The following FRMD3 variants were observed in gnomAD, a reference collection of about 807,000 sequenced individuals.
The protein encoded by FRMD3 is FERM domain-containing protein 3.
A neutral mutation model predicts 70.2 loss-of-function variants in FRMD3; 33 were observed. That is an observed-to-expected ratio of 0.47 (90% CI 0.36 to 0.63). FRMD3 has a LOEUF of 0.63. Ranked by LOEUF, FRMD3 falls within the 20% of genes least tolerant of loss-of-function variation. The probability of loss-of-function intolerance (pLI) is 0.00; values close to 1 mark genes in which losing one functional copy is unlikely to be tolerated. For missense variants in FRMD3, 632 were observed against 711.4 expected, an observed-to-expected ratio of 0.89 and a Z score of 1.27; for synonymous variants, 279 against 255.9, an observed-to-expected ratio of 1.09 and a Z score of -0.86.
At chr9:83,387,807 C>G (rs1485183592) in intron 2 of FRMD3, among the ~76,000 whole-genome samples, 2 of 152,184 alleles carry the variant, frequency 1.3e-5, no homozygotes, top group Non-Finnish European at 2.9e-5. Flanking sequence ...CAGACCAAAG[C>G]TGGCTTGGCT....
chr9:83,450,265 A>G (rs1827607383), intron 1 of FRMD3, among the ~76,000 whole-genome samples: 1 of 151,648 alleles, frequency 6.6e-6, no homozygotes, highest in Admixed American at 6.6e-5. Context: ...AGCTTCTCAG[A>G]CACAGCCGCA....
chr9:83,298,913 A>G, intron 11 of FRMD3, 97 bp from the exon 12 acceptor site: 1 of 1,235,902 alleles, frequency 8.1e-7, no homozygotes, highest in Non-Finnish European at 1.2e-6. Context: ...CAGGTGTCTG[A>G]CCCAGCTATA....
Position 83,362,829 on chromosome 9 carries a change from TCCCTCCCTC to T in FRMD3, c.295+10075_295+10083del, listed in dbSNP as rs1564035941. Among the ~76,000 whole-genome samples, 1,287 of 134,232 alleles carry T rather than the reference TCCCTCCCTC, an allele frequency of 9.6e-3. 74 individuals carry two copies. The highest frequency in any genetic ancestry group is 0.03 in the African/African-American group (1,122 of 37,862). The allele number at this position is 134,232 out of a possible 152,430, so 88.1% of individuals were successfully genotyped here. A position where few individuals can be genotyped will look rare whatever the true frequency, so the allele number is the denominator to read the frequency against. On this transcript the variant is annotated intron_variant, in intron 3 of 13. Transcript: ENST00000304195. ...TTCCTTCCTTCCCTCCCTCCTTCCTTCCCTCCCTCCTTCCTTCCCTCCCTCCTTCCTTCC... is the reference window on the plus strand; with the variant it reads ...TTCCTTCCTTCCCTCCCTCCTTCCTTCTTCCTTCCCTCCCTCCTTCCTTCC...
the FRMD3 span, among the ~76,000 whole-genome samples, chr9:83,576,640 G>A: frequency 6.6e-6 from 1 of 152,022 alleles, no homozygotes; most frequent in East Asian, 1.9e-4. Flanking sequence ...TCCCCTCTAT[G>A]TGTCCATCTT....
At chr9:83,293,592 CAACAT>C (rs2118991103) in intron 12 of FRMD3, among the ~76,000 whole-genome samples, 1 of 152,350 alleles carries the variant, frequency 6.6e-6, no homozygotes, top group South Asian at 2.1e-4. Flanking sequence ...CCCCAACCCA[CAACAT>C]TGCAATGTCC....
At chr9:83,582,849 A>C in the FRMD3 span, among the ~76,000 whole-genome samples, 7 of 152,236 alleles carry the variant, frequency 4.6e-5, no homozygotes, top group East Asian at 1.3e-3. Flanking sequence ...GAGATCAGGT[A>C]CAATTAATGA....
chr9:83,490,577 C>T (rs539381529), intron 1 of FRMD3, among the ~76,000 whole-genome samples: 1 of 152,216 alleles, frequency 6.6e-6, no homozygotes, highest in African/African-American at 2.4e-5. Flanking sequence ...CCATGGTGCC[C>T]AGCCTGTAGT....
At chr9:83,584,846 T>A in the FRMD3 span, among the ~76,000 whole-genome samples, 2 of 152,174 alleles carry the variant, frequency 1.3e-5, no homozygotes, top group African/African-American at 4.8e-5. Context: ...GGATCGATAA[T>A]AGGACAAATG....
At chr9:83,473,317 C>T (rs575843581) in intron 1 of FRMD3, among the ~76,000 whole-genome samples, 61 of 152,310 alleles carry the variant, frequency 4.0e-4, no homozygotes, top group African/African-American at 1.4e-3. Context: ...TCCACAAGAA[C>T]TCCCAATACT....
intron 1 of FRMD3, among the ~76,000 whole-genome samples, chr9:83,515,992 C>T (rs761801104): frequency 1.3e-5 from 2 of 152,128 alleles, no homozygotes; most frequent in African/African-American, 2.4e-5. Context: ...GAAGGAAAAA[C>T]CGATACCAGC....
chr9:83,295,719 G>A (rs1025512934), intron 12 of FRMD3, among the ~76,000 whole-genome samples: 2 of 152,312 alleles, frequency 1.3e-5, no homozygotes, highest in East Asian at 3.9e-4. Flanking sequence ...CTGCCTCAGA[G>A]TGTCTGCTGT....
chr9:83,459,543 G>A (rs1587874256), intron 1 of FRMD3, among the ~76,000 whole-genome samples: 2 of 152,340 alleles, frequency 1.3e-5, no homozygotes, highest in East Asian at 3.9e-4. Context: ...GAGATGCCTA[G>A]GCCTGTGCAC....
chr9:83,246,446 G>T lies in FRMD3; in HGVS notation c.*1472C>A. ...CATGGATTTAATGGTATCAAGGAAG[G>T]TACTAGAGCACTGGTCCCCTCTACA... On this transcript the variant is annotated 3_prime_UTR_variant, in exon 14 of 14. Transcript: ENST00000304195. 2.0e-6 allele frequency: 2 copies of T among 984,150 alleles called. No homozygotes were observed. The highest frequency in any genetic ancestry group is 1.2e-6 in the Non-Finnish European group (1 of 828,934). The allele number at this position is 984,150 out of a possible 1,614,324, so 61.0% of individuals were successfully genotyped here. A position where few individuals can be genotyped will look rare whatever the true frequency, so the allele number is the denominator to read the frequency against.
chr9:83,468,221 T>G (rs979990652), intron 1 of FRMD3, among the ~76,000 whole-genome samples: 2 of 152,206 alleles, frequency 1.3e-5, no homozygotes, highest in African/African-American at 4.8e-5. Flanking sequence ...GAAAGATAGA[T>G]TCAAGGTCAG....
At chr9:83,325,207 T>C (rs1835963580) in intron 6 of FRMD3, among the ~76,000 whole-genome samples, 1 of 152,172 alleles carries the variant, frequency 6.6e-6, no homozygotes, top group African/African-American at 2.4e-5. Flanking sequence ...ACTTCATGGG[T>C]ACAATGTACA....
At chr9:83,329,340 C>A (rs142242744) in intron 6 of FRMD3, among the ~76,000 whole-genome samples, 13 of 152,206 alleles carry the variant, frequency 8.5e-5, no homozygotes, top group African/African-American at 3.1e-4. Context: ...GGAGAGAGAT[C>A]GATGACAAAG....
At chr9:83,551,033 G>C in the FRMD3 span, among the ~76,000 whole-genome samples, 1 of 152,258 alleles carries the variant, frequency 6.6e-6, no homozygotes, top group East Asian at 1.9e-4. Context: ...AGTGGTGAGA[G>C]AGGGCATCCT....
the FRMD3 span, among the ~76,000 whole-genome samples, chr9:83,559,163 C>T: frequency 2.0e-5 from 3 of 152,160 alleles, no homozygotes; most frequent in South Asian, 6.2e-4. Flanking sequence ...GGCTATCAAA[C>T]AGCATCAAGT....
chr9:83,348,257 TCTCTCTTTTTG>T (rs1564027914), intron 4 of FRMD3, among the ~76,000 whole-genome samples: 1 of 152,104 alleles, frequency 6.6e-6, no homozygotes, highest in Non-Finnish European at 1.5e-5. Flanking sequence ...CTTCTCTCTC[TCTCTCTTTTTG>T]GCAGCTAATT....
Sources: allele counts gnomAD v4.1 joint callset (sites outside exome capture counted in the v4.1 genomes callset), GRCh38; gene constraint gnomAD v4.1.1; transcripts MANE v1.5; gene names NCBI Gene and HGNC (gene_info 2026-07-23, HGNC 2026-07-21).